EFNA5: variants seen among roughly 807,000 people sequenced by gnomAD.
The protein encoded by EFNA5 is ephrin-A5.
A neutral mutation model predicts 22.9 loss-of-function variants in EFNA5; 5 were observed. The ratio of observed to expected loss-of-function variants is 0.22; its 90% CI spans 0.11 to 0.46. EFNA5 has a LOEUF of 0.46. EFNA5 is among the 20% of genes least tolerant of loss of function. The pLI is 0.99. For missense variants in EFNA5, 237 were observed against 293.3 expected (o/e 0.81, Z 1.40); for synonymous variants, 113 against 112.2 (o/e 1.01, Z -0.04).
chr5:107,516,101 C>T (rs1031276095), intron 1 of EFNA5, among the ~76,000 whole-genome samples: 2 of 151,702 alleles, frequency 1.3e-5, no homozygotes, highest in Non-Finnish European at 2.9e-5. Context: ...AGTAACCGGG[C>T]TCAAGTGATC....
intron 1 of EFNA5, among the ~76,000 whole-genome samples, chr5:107,571,026 A>C (rs180951170): frequency 1.3e-5 from 2 of 152,150 alleles, no homozygotes; most frequent in Non-Finnish European, 1.5e-5. Context: ...GCACGGGTGC[A>C]CTCTCTCTTC....
chr5:107,587,541 G>T (rs372488591), intron 1 of EFNA5, among the ~76,000 whole-genome samples: 1 of 152,110 alleles, frequency 6.6e-6, no homozygotes, highest in African/African-American at 2.4e-5. Context: ...TTTTGAGATG[G>T]AGTCTTGCGC....
Position 107,427,353 on chromosome 5 carries a change from G to A in EFNA5, c.282C>T (p.Ser94=), listed in dbSNP as rs374490426. 1.2e-6 allele frequency: 2 copies of A among 1,613,988 alleles called. No homozygotes were observed. Among genetic ancestry groups the A allele is most frequent in the Non-Finnish European group, 1.7e-6 (2 of 1,180,018 alleles). The change falls in exon 2 of 5, where the codon TCC becomes TCT. Residue 94 remains serine, a synonymous_variant. Coordinates refer to ENST00000333274, the MANE Select transcript of EFNA5 (RefSeq NM_001962.3). ...FDGYSACDHT[S]KGFKRWECNR... ...TACATTCCCATCTCTTGAACCCTTT[G>A]GAAGTGTGGTCGCAGGCACTGTAGC...
At chr5:107,627,507 G>A (rs533934139) in intron 1 of EFNA5, among the ~76,000 whole-genome samples, 3 of 152,026 alleles carry the variant, frequency 2.0e-5, no homozygotes, top group South Asian at 4.2e-4. Flanking sequence ...GCGGTGGCAC[G>A]GGCCTGTAGT....
rs1298913674 is a variant in EFNA5 at position 107,377,744 on chromosome 5, A to G, written c.*3511T>C. The G allele has an allele frequency of 3.3e-5, 5 of 152,364 alleles. No homozygotes were observed. The East Asian group carries it at 7.7e-4, about 24-fold the overall frequency. The allele number at this position is 152,364 out of a possible 1,614,324, so 9.4% of individuals were successfully genotyped here. ...ATAAAGACTCTTCCTGGGAAAAAAT[A>G]AAACAGTCCATGAAAACAATCACAA... On this transcript the variant is annotated 3_prime_UTR_variant, in exon 5 of 5. Coordinates refer to ENST00000333274, the MANE Select transcript of EFNA5 (RefSeq NM_001962.3).
At chr5:107,492,264 T>C (rs941440854) in intron 1 of EFNA5, among the ~76,000 whole-genome samples, 1 of 152,162 alleles carries the variant, frequency 6.6e-6, no homozygotes, top group Admixed American at 6.5e-5. Context: ...TTAAAAAAAA[T>C]ATTCAAAATA....
intron 1 of EFNA5, among the ~76,000 whole-genome samples, chr5:107,497,782 TC>T (rs1263881158): frequency 2.6e-4 from 39 of 152,384 alleles, no homozygotes; most frequent in African/African-American, 9.1e-4. Context: ...TAAAGCTTTT[TC>T]CTTTCTTCCA....
intron 2 of EFNA5, among the ~76,000 whole-genome samples, chr5:107,402,814 C>G (rs1278869716): frequency 6.6e-6 from 1 of 152,168 alleles, no homozygotes; most frequent in Non-Finnish European, 1.5e-5. Context: ...AGTCTTCGGG[C>G]AAATTTCCTC....
chr5:107,480,410 G>A (rs1469939726), intron 1 of EFNA5, among the ~76,000 whole-genome samples: 4 of 152,188 alleles, frequency 2.6e-5, no homozygotes, highest in Admixed American at 6.5e-5. Flanking sequence ...CTAAGAAATT[G>A]TTTATTAACT....
chr5:107,452,016 C>T (rs559217342), intron 1 of EFNA5, among the ~76,000 whole-genome samples: 23 of 152,192 alleles, frequency 1.5e-4, no homozygotes, highest in African/African-American at 4.6e-4. Flanking sequence ...AAATGTGGTA[C>T]GTATATACCA....
At chr5:107,548,956 G>A (rs146869846) in intron 1 of EFNA5, among the ~76,000 whole-genome samples, 1 of 152,280 alleles carries the variant, frequency 6.6e-6, no homozygotes, top group East Asian at 1.9e-4. Flanking sequence ...CTCACACTTA[G>A]TAAGAAAACA....
At chr5:107,529,427 A>G (rs694762) in intron 1 of EFNA5, among the ~76,000 whole-genome samples, 1 of 152,000 alleles carries the variant, frequency 6.6e-6, no homozygotes, top group Admixed American at 6.5e-5. Context: ...ATAGCTCACC[A>G]TGCCTGCACA....
At chr5:107,604,297 A>G (rs1296386395) in intron 1 of EFNA5, among the ~76,000 whole-genome samples, 11 of 152,036 alleles carry the variant, frequency 7.2e-5, no homozygotes, top group Non-Finnish European at 1.6e-4. Flanking sequence ...GTCCTGCCTC[A>G]GCCTCCCGAG....
At position 107,379,884 on chromosome 5, in the gene EFNA5, G is replaced by A. The variant is rs1747387962; in HGVS notation, c.*1371C>T. ...TCAGCATAAAGTATATCTAAATAAT[G>A]TATTTTCTATTCTAGTGGATTTTTA... On this transcript the variant is annotated 3_prime_UTR_variant, in exon 5 of 5. Coordinates refer to ENST00000333274, the MANE Select transcript of EFNA5 (RefSeq NM_001962.3). 1 of 151,820 alleles carries A rather than the reference G, an allele frequency of 6.6e-6. No individual in the cohort carries two copies. The highest frequency in any genetic ancestry group is 1.5e-5 in the Non-Finnish European group (1 of 67,996). 9.4% of individuals were successfully genotyped at this position (151,820 alleles called of 1,614,324 possible).
intron 1 of EFNA5, among the ~76,000 whole-genome samples, chr5:107,485,885 T>C (rs1746605429): frequency 6.6e-6 from 1 of 152,180 alleles, no homozygotes. Flanking sequence ...TTTGTGTGCT[T>C]ATTTTCAACA....
chr5:107,610,458 G>A (rs575336686), intron 1 of EFNA5, among the ~76,000 whole-genome samples: 40 of 152,168 alleles, frequency 2.6e-4, no homozygotes, highest in Admixed American at 7.2e-4. Flanking sequence ...AGCCAAACAC[G>A]TTACGTGAAA....
chr5:107,412,391 G>GA (rs1748392375), intron 2 of EFNA5, among the ~76,000 whole-genome samples: 1 of 152,142 alleles, frequency 6.6e-6, no homozygotes, highest in Non-Finnish European at 1.5e-5. Context: ...GGGAGAGAGA[G>GA]AAAATGTCTT....
At chr5:107,657,535 T>G (rs1410059526) in intron 1 of EFNA5, among the ~76,000 whole-genome samples, 3 of 152,132 alleles carry the variant, frequency 2.0e-5, no homozygotes, top group Non-Finnish European at 4.4e-5. Context: ...TATTATGAAA[T>G]AGTACCCAAT....
intron 1 of EFNA5, among the ~76,000 whole-genome samples, chr5:107,586,462 A>C (rs1749188365): frequency 1.3e-5 from 2 of 152,234 alleles, no homozygotes; most frequent in Admixed American, 1.3e-4. Context: ...TAGAACTATG[A>C]ACAGAGGGTA....
Sources: allele counts gnomAD v4.1 joint callset (sites outside exome capture counted in the v4.1 genomes callset), GRCh38; gene constraint gnomAD v4.1.1; transcripts MANE v1.5; gene names NCBI Gene and HGNC (gene_info 2026-07-23, HGNC 2026-07-21).